Variants in PLCB4 observed in about 807,000 individuals in gnomAD.
PLCB4 encodes phospholipase C beta 4, also known as 1-phosphatidylinositol 4,5-bisphosphate phosphodiesterase beta-4.
In PLCB4, 77 loss-of-function variants were observed where a neutral mutation model predicts 178.8. The observed-to-expected ratio is 0.43, with a 90% CI of 0.36 to 0.52. The LOEUF (loss-of-function observed/expected upper bound fraction) is 0.52, where lower values mean the gene tolerates loss of function less well. PLCB4 is among the 20% of genes least tolerant of loss of function. The pLI is 0.00. For synonymous variants in PLCB4, 496 were observed against 490.8 expected (o/e 1.01, Z -0.14); for missense variants, 1,024 against 1,453.4 (o/e 0.70, Z 4.80).
At chr20:9,105,662 A>T (rs951527372) in intron 2 of PLCB4, among the ~76,000 whole-genome samples, 2 of 152,118 alleles carry the variant, frequency 1.3e-5, no homozygotes, top group African/African-American at 4.8e-5. Flanking sequence ...ATACACATGT[A>T]TGGTAATTTA....
intron 3 of PLCB4, among the ~76,000 whole-genome samples, chr20:9,279,988 G>A (rs11907543): frequency 3.3e-5 from 5 of 152,016 alleles, no homozygotes; most frequent in Non-Finnish European, 4.4e-5. Flanking sequence ...GGAGTTTAGG[G>A]TGTTTCATGT....
intron 2 of PLCB4, among the ~76,000 whole-genome samples, chr20:9,112,963 G>A (rs2091637184): frequency 6.6e-6 from 1 of 151,996 alleles, no homozygotes; most frequent in Non-Finnish European, 1.5e-5. Flanking sequence ...CTTGCTGAAG[G>A]AACTGACTGC....
chr20:9,111,820 G>A (rs941740008), intron 2 of PLCB4, among the ~76,000 whole-genome samples: 2 of 152,044 alleles, frequency 1.3e-5, no homozygotes, highest in Non-Finnish European at 2.9e-5. Context: ...TAAAACATAG[G>A]GATTTTCTTC....
chr20:9,345,305 G>T (rs146557849), intron 7 of PLCB4, among the ~76,000 whole-genome samples: 1 of 151,944 alleles, frequency 6.6e-6, no homozygotes, highest in Admixed American at 6.5e-5. Context: ...TGTTTTACAA[G>T]GCACTATAGA....
chr20:9,476,891 C>A, intron 39 of PLCB4, 138 bp downstream of exon 39: 1 of 609,028 alleles, frequency 1.6e-6, no homozygotes, highest in South Asian at 2.3e-5. Flanking sequence ...CTTGACTATT[C>A]CATGCTTGGA....
chr20:9,174,118 C>G (rs1418757479), intron 2 of PLCB4, among the ~76,000 whole-genome samples: 2 of 151,934 alleles, frequency 1.3e-5, no homozygotes, highest in Non-Finnish European at 1.5e-5. Flanking sequence ...GCTGCTACTG[C>G]TGCTGCTTCT....
At chr20:9,478,749 A>G (rs1019188809) in intron 39 of PLCB4, among the ~76,000 whole-genome samples, 172 bp from the exon 40 acceptor site, 6 of 152,170 alleles carry the variant, frequency 3.9e-5, no homozygotes, top group African/African-American at 1.4e-4. Context: ...CCAAGATTCT[A>G]CGTTTCTAAG....
At chr20:9,459,833 A>G in intron 35 of PLCB4, 23 bp downstream of exon 35, 1 of 1,540,544 alleles carries the variant, frequency 6.5e-7, no homozygotes, top group Non-Finnish European at 8.9e-7. Flanking sequence ...CCGTCTCCAG[A>G]GTAAACATCT....
chr20:9,327,330 C>G (rs1331503984), intron 4 of PLCB4, among the ~76,000 whole-genome samples: 1 of 151,838 alleles, frequency 6.6e-6, no homozygotes, highest in Non-Finnish European at 1.5e-5. Context: ...GCCTGTAGTC[C>G]TAGCTACTCA....
chr20:9,352,034 A>G (rs1256445384), intron 7 of PLCB4, among the ~76,000 whole-genome samples: 1 of 152,232 alleles, frequency 6.6e-6, no homozygotes, highest in Non-Finnish European at 1.5e-5. Context: ...CAAAAAACTG[A>G]TGGTTGCTGA....
intron 12 of PLCB4, among the ~76,000 whole-genome samples, chr20:9,376,122 T>C (rs1011645997): frequency 1.3e-5 from 2 of 152,118 alleles, no homozygotes; most frequent in Admixed American, 1.3e-4. Context: ...CAGTAGTAGC[T>C]TTAGACCTGA....
rs1603121982 is a variant in PLCB4 at position 9,476,887 on chromosome 20, TA to T, written c.3532+135del. The T allele has an allele frequency of 8.1e-6, 5 of 618,646 alleles. No homozygotes were observed. The East Asian group carries it at 1.1e-4, about 14-fold the overall frequency. The allele number at this position is 618,646 out of a possible 1,614,324, so 38.3% of individuals were successfully genotyped here. A position where few individuals can be genotyped will look rare whatever the true frequency, so the allele number is the denominator to read the frequency against. The stretch of plus-strand genomic sequence containing the variant: ...AAGGGTTTGGATTTAAAAGCTTGAC[TA>T]TTCCATGCTTGGATTTCTGATGTCA... On this transcript the variant is annotated intron_variant, in intron 39 of 39. Transcript: ENST00000378473.
At chr20:9,294,403 G>A (rs2094610638) in intron 3 of PLCB4, among the ~76,000 whole-genome samples, 1 of 152,000 alleles carries the variant, frequency 6.6e-6, no homozygotes, top group South Asian at 2.1e-4. Flanking sequence ...AAAAAAAATG[G>A]TTGAGAAAAT....
chr20:9,256,501 A>G (rs2094237791), intron 3 of PLCB4, among the ~76,000 whole-genome samples: 1 of 152,196 alleles, frequency 6.6e-6, no homozygotes, highest in Non-Finnish European at 1.5e-5. Flanking sequence ...GGCTACTCCT[A>G]ATTGTAAGGA....
chr20:9,419,641 T>C (rs2040488115), intron 25 of PLCB4, among the ~76,000 whole-genome samples, 166 bp from the exon 26 acceptor site: 1 of 152,182 alleles, frequency 6.6e-6, no homozygotes, highest in Non-Finnish European at 1.5e-5. Flanking sequence ...CTCTTTAAGG[T>C]TGTGCATAAG....
At chr20:9,298,458 C>T (rs2094665337) in intron 3 of PLCB4, among the ~76,000 whole-genome samples, 1 of 151,996 alleles carries the variant, frequency 6.6e-6, no homozygotes, top group African/African-American at 2.4e-5. Flanking sequence ...AATATATTGA[C>T]AGTTATTCAT....
At chr20:9,307,220 G>T (rs2094778253) in intron 3 of PLCB4, among the ~76,000 whole-genome samples, 1 of 152,104 alleles carries the variant, frequency 6.6e-6, no homozygotes, top group African/African-American at 2.4e-5. Flanking sequence ...AAAATCAGAA[G>T]TTCTCTTGTT....
intron 1 of PLCB4, among the ~76,000 whole-genome samples, chr20:9,086,953 T>G (rs2090455525): frequency 6.6e-6 from 1 of 152,216 alleles, no homozygotes; most frequent in Admixed American, 6.5e-5. Flanking sequence ...CTAGTAATCC[T>G]CTGTGTGGAA....
At chr20:9,202,756 A>T (rs1044446200) in intron 2 of PLCB4, among the ~76,000 whole-genome samples, 1 of 152,158 alleles carries the variant, frequency 6.6e-6, no homozygotes, top group African/African-American at 2.4e-5. Flanking sequence ...TTCCTTTATA[A>T]AAACCAAATA....
Sources: gnomAD v4.1 joint callset for allele counts (sites outside exome capture counted in the v4.1 genomes callset) on GRCh38, gnomAD v4.1.1 for gene constraint, MANE v1.5 for transcripts, NCBI Gene and HGNC (gene_info 2026-07-23, HGNC 2026-07-21) for gene names.